The following ADAMTS12 variants were observed in gnomAD, a reference collection of about 807,000 sequenced individuals.
ADAMTS12 encodes A disintegrin and metalloproteinase with thrombospondin motifs 12.
In ADAMTS12, 118 loss-of-function variants were observed where a neutral mutation model predicts 167.8. The observed-to-expected ratio is 0.70, with a 90% confidence interval of 0.61 to 0.82. The LOEUF (loss-of-function observed/expected upper bound fraction) is 0.82. Among genes scored for constraint, ADAMTS12 ranks in the 40% least tolerant of loss-of-function variants. The pLI is 0.00. For missense variants in ADAMTS12, 1,916 were observed against 1,998.8 expected (o/e 0.96, Z 0.79); for synonymous variants, 704 against 716.9 (o/e 0.98, Z 0.29).
chr5:33,811,840 C>T (rs552130449), intron 2 of ADAMTS12, among the ~76,000 whole-genome samples: 1 of 152,160 alleles, frequency 6.6e-6, no homozygotes, highest in Admixed American at 6.5e-5. Context: ...TGTCCTGGAC[C>T]AGGACGGTTC....
rs975019570 is a variant in ADAMTS12 at position 33,835,708 on chromosome 5, G to A, written c.489+45411C>T. Among the ~76,000 whole-genome samples, 9 of 152,226 alleles carry A rather than the reference G, an allele frequency of 5.9e-5. No individual in the cohort carries two copies. In the East Asian group the frequency reaches 1.7e-3, roughly 29 times the overall value. ...GCCCTACCCCTAATACCATTACCTT[G>A]GGGGTAAGGATTTTAACATATCAAT... On this transcript the variant is annotated intron_variant, in intron 2 of 23. Transcript: ENST00000504830.
intron 2 of ADAMTS12, among the ~76,000 whole-genome samples, chr5:33,817,698 A>T (rs191176434): frequency 1.3e-5 from 2 of 152,148 alleles, no homozygotes; most frequent in Admixed American, 1.3e-4. Flanking sequence ...CTCCAAAAAC[A>T]CAGATTCTCT....
intron 2 of ADAMTS12, among the ~76,000 whole-genome samples, chr5:33,761,580 T>C (rs1745359286): frequency 6.6e-6 from 1 of 152,230 alleles, no homozygotes; most frequent in Admixed American, 6.5e-5. Flanking sequence ...TGAATATTTA[T>C]ATCTACATCA....
chr5:33,655,402 G>A (rs548068432), intron 7 of ADAMTS12, among the ~76,000 whole-genome samples: 1 of 152,192 alleles, frequency 6.6e-6, no homozygotes, highest in Non-Finnish European at 1.5e-5. Flanking sequence ...CTCACGTTGG[G>A]TAGGGTAACT....
intron 2 of ADAMTS12, among the ~76,000 whole-genome samples, chr5:33,828,724 C>T (rs1748186747): frequency 6.6e-6 from 1 of 152,034 alleles, no homozygotes; most frequent in African/African-American, 2.4e-5. Context: ...CTCAACAATC[C>T]ACCCTAGGCA....
chr5:33,558,020 A>T (rs1239390318), intron 20 of ADAMTS12, among the ~76,000 whole-genome samples: 2 of 152,042 alleles, frequency 1.3e-5, no homozygotes, highest in Admixed American at 1.3e-4. Context: ...AGTTGCAGGA[A>T]AACAAGCTCA....
intron 2 of ADAMTS12, among the ~76,000 whole-genome samples, chr5:33,799,908 T>C (rs1746931588): frequency 6.6e-6 from 1 of 152,186 alleles, no homozygotes; most frequent in Non-Finnish European, 1.5e-5. Context: ...GACAAGGTTA[T>C]TAAATGAAGG....
chr5:33,796,944 G>A (rs1312530055), intron 2 of ADAMTS12, among the ~76,000 whole-genome samples: 1 of 152,176 alleles, frequency 6.6e-6, no homozygotes, highest in Non-Finnish European at 1.5e-5. Context: ...AGTGATTGTT[G>A]ATGGATAGAG....
chr5:33,694,371 C>G (rs545842819), intron 3 of ADAMTS12, among the ~76,000 whole-genome samples: 1 of 152,254 alleles, frequency 6.6e-6, no homozygotes, highest in Admixed American at 6.5e-5. Flanking sequence ...TATATAATTA[C>G]TGAGAAATAT....
At chr5:33,880,803 C>CA (rs1750404228) in intron 2 of ADAMTS12, 1 of 314,320 alleles carries the variant, frequency 3.2e-6, no homozygotes, top group Non-Finnish European at 5.9e-6. Flanking sequence ...TCAGTTGCCT[C>CA]AGAGCTGCCT....
chr5:33,566,185 T>C (rs571754422), intron 19 of ADAMTS12, among the ~76,000 whole-genome samples: 16 of 152,158 alleles, frequency 1.1e-4, no homozygotes, highest in Non-Finnish European at 2.1e-4. Flanking sequence ...AAAACCCAAA[T>C]TGAATAGTGG....
intron 2 of ADAMTS12, among the ~76,000 whole-genome samples, chr5:33,756,340 T>C (rs754636889): frequency 1.8e-4 from 28 of 152,278 alleles, no homozygotes; most frequent in Admixed American, 3.9e-4. Flanking sequence ...AGCACTGTGT[T>C]TCGGAGGCCA....
chr5:33,842,807 G>A (rs1010412765), intron 2 of ADAMTS12, among the ~76,000 whole-genome samples: 4 of 152,084 alleles, frequency 2.6e-5, no homozygotes, highest in Non-Finnish European at 5.9e-5. Context: ...ATAACAGTGG[G>A]GTGCGAACAC....
intron 2 of ADAMTS12, among the ~76,000 whole-genome samples, chr5:33,770,501 G>A (rs1359660028): frequency 1.3e-5 from 2 of 152,108 alleles, no homozygotes; most frequent in East Asian, 1.9e-4. Flanking sequence ...TTATCTGGAG[G>A]TTTTGTGGCA....
At chr5:33,530,076 T>C (rs171757) in intron 23 of ADAMTS12, among the ~76,000 whole-genome samples, 74,486 of 151,264 alleles carry the variant, frequency 0.49, 19,739 homozygotes, top group East Asian at 0.77. Flanking sequence ...TGTGCCACCA[T>C]GCCCAGCTAA....
intron 2 of ADAMTS12, among the ~76,000 whole-genome samples, chr5:33,794,657 T>A (rs1008749690): frequency 6.6e-6 from 1 of 152,214 alleles, no homozygotes; most frequent in Non-Finnish European, 1.5e-5. Flanking sequence ...AAACCGGCAC[T>A]GTGGATGGCA....
chr5:33,834,930 C>G (rs530692428), intron 2 of ADAMTS12, among the ~76,000 whole-genome samples: 1 of 152,308 alleles, frequency 6.6e-6, no homozygotes, highest in East Asian at 1.9e-4. Flanking sequence ...GTCCCAATGG[C>G]CCTTGCAGGG....
intron 12 of ADAMTS12, among the ~76,000 whole-genome samples, chr5:33,637,234 A>T (rs1318836725): frequency 2.6e-5 from 4 of 152,202 alleles, no homozygotes; most frequent in African/African-American, 9.6e-5. Context: ...TTCTGACGAA[A>T]TCACAGTCAG....
At chr5:33,703,893 T>C (rs1191541684) in intron 3 of ADAMTS12, among the ~76,000 whole-genome samples, 1 of 152,192 alleles carries the variant, frequency 6.6e-6, no homozygotes, top group East Asian at 1.9e-4. Flanking sequence ...TGATCTTCCA[T>C]GAAATCAGGA....
Sources: allele counts gnomAD v4.1 joint callset (sites outside exome capture counted in the v4.1 genomes callset), GRCh38; gene constraint gnomAD v4.1.1; transcripts MANE v1.5; gene names NCBI Gene and HGNC (gene_info 2026-07-23, HGNC 2026-07-21).